The following EPHA4 variants were observed in gnomAD, a reference collection of about 807,000 sequenced individuals.
EPHA4 encodes ephrin type-A receptor 4.
Under a neutral mutation model 108.3 loss-of-function variants are expected in EPHA4, and 19 were observed. The ratio of observed to expected loss-of-function variants is 0.18; its 90% CI spans 0.12 to 0.26. EPHA4 has a LOEUF of 0.26. Among genes scored for constraint, EPHA4 ranks in the 10% least tolerant of loss-of-function variants. EPHA4 has a pLI of 1.00. For missense variants in EPHA4, 917 were observed against 1,254.0 expected (o/e 0.73, Z 4.06); for synonymous variants, 449 against 455.5 (o/e 0.99, Z 0.18).
chr2:221,526,739 C>T (rs1327412167), intron 3 of EPHA4, among the ~76,000 whole-genome samples: 3 of 151,118 alleles, frequency 2.0e-5, no homozygotes, highest in East Asian at 1.9e-4. Context: ...CCCAGCTACT[C>T]GGGAGGCTGA....
At position 221,571,340 on chromosome 2, in the gene EPHA4, C is replaced by G. The variant is rs1025752398; in HGVS notation, c.91+818G>C. ...CGCCCCCCCGCCCCGCCCCACCTCC[C>G]GACACAGACACACAGGCACATACAA... On this transcript the variant is annotated intron_variant, in intron 1 of 17. Transcript: ENST00000281821. The surrounding 1 kb of genome is among the most constrained non-coding windows in gnomAD (Gnocchi z 6.3). Among the ~76,000 whole-genome samples the G allele has an allele frequency of 1.3e-5, 2 of 151,696 alleles. No homozygotes were observed. The highest frequency in any genetic ancestry group is 2.9e-5 in the Non-Finnish European group (2 of 67,888).
intron 14 of EPHA4, 98 bp from the exon 15 acceptor site, chr2:221,430,249 A>G: frequency 8.0e-7 from 1 of 1,249,534 alleles, no homozygotes; most frequent in East Asian, 2.4e-5. Context: ...TGAAGCTGCC[A>G]GCAAGCTGGA....
chr2:221,523,098 A>G (rs141254316), intron 3 of EPHA4, among the ~76,000 whole-genome samples: 1 of 151,762 alleles, frequency 6.6e-6, no homozygotes, highest in East Asian at 2.0e-4. Context: ...CTTATGCAGC[A>G]TTTGAAAACC....
Position 221,436,516 on chromosome 2 carries a change from C to T in EPHA4, c.2229G>A (p.Val743=). 1 of 1,614,160 alleles carries T rather than the reference C, an allele frequency of 6.2e-7. No homozygotes were observed. The highest frequency in any genetic ancestry group is 1.6e-4 in the Middle Eastern group (1 of 6,062). ...TGTTCCGTGCGGCCAGATCACGATG[C>T]ACATAGCTCATATCAGATAAATACT... ...GMKYLSDMSY[V]HRDLAARNIL... The change falls in exon 13 of 18, where the codon GTG becomes GTA. Residue 743 remains valine (V), a synonymous_variant. Coordinates refer to ENST00000281821, the MANE Select transcript of EPHA4 (RefSeq NM_004438.5).
intron 8 of EPHA4, among the ~76,000 whole-genome samples, chr2:221,451,766 T>A (rs1559246667): frequency 6.6e-6 from 1 of 152,188 alleles, no homozygotes; most frequent in Non-Finnish European, 1.5e-5. Flanking sequence ...GGTAAAAATA[T>A]ACAATATAGC....
At chr2:221,431,863 T>C (rs919029248) in intron 14 of EPHA4, among the ~76,000 whole-genome samples, 2 of 152,184 alleles carry the variant, frequency 1.3e-5, no homozygotes, top group African/African-American at 4.8e-5. Context: ...GGCAGAGGAT[T>C]AAACTAAACA....
intron 17 of EPHA4, among the ~76,000 whole-genome samples, chr2:221,424,220 C>G (rs1042245587): frequency 6.6e-6 from 1 of 151,650 alleles, no homozygotes; most frequent in African/African-American, 2.4e-5. Flanking sequence ...TCCAGAACTC[C>G]TAGACTTCTG....
intron 4 of EPHA4, among the ~76,000 whole-genome samples, chr2:221,484,682 G>T (rs1691931094): frequency 6.6e-6 from 1 of 152,142 alleles, no homozygotes; most frequent in African/African-American, 2.4e-5. Context: ...AGCTACATAG[G>T]ATGTTAAAAT....
chr2:221,526,699 T>C (rs925662552), intron 3 of EPHA4, among the ~76,000 whole-genome samples: 4 of 151,492 alleles, frequency 2.6e-5, no homozygotes, highest in African/African-American at 9.7e-5. Flanking sequence ...ATACAAAAAT[T>C]AGCCAGGCGC....
chr2:221,463,320 G>T (rs935893870), intron 5 of EPHA4, among the ~76,000 whole-genome samples: 8 of 152,126 alleles, frequency 5.3e-5, no homozygotes, highest in African/African-American at 1.9e-4. Flanking sequence ...TCCAATAGAG[G>T]TCCAAGATAA....
upstream of EPHA4, chr2:221,572,489 C>CG (rs1280741553): frequency 3.4e-6 from 1 of 290,472 alleles, no homozygotes; most frequent in African/African-American, 2.6e-5. Context: ...CGCGGTCTCC[C>CG]GGGGCTCTAG....
At chr2:221,478,240 G>T (rs965994754) in intron 5 of EPHA4, among the ~76,000 whole-genome samples, 1 of 152,090 alleles carries the variant, frequency 6.6e-6, no homozygotes, top group African/African-American at 2.4e-5. Flanking sequence ...ATATTCACAG[G>T]TCTGTTGCTT....
rs150425514 is a variant in EPHA4, at chr2:221,427,002, C to T, written c.2691-383G>A. 1.3e-3 allele frequency among the ~76,000 whole-genome samples: 192 copies of T among 152,268 alleles called. 1 individual carries two copies. The highest frequency in any genetic ancestry group is 4.4e-3 in the African/African-American group (183 of 41,552). On this transcript the variant is annotated intron_variant, in intron 15 of 17. Coordinates refer to ENST00000281821, the MANE Select transcript of EPHA4 (RefSeq NM_004438.5). ...GCCAGTACTGAATATTACAGACTTTCGTTCAGCAACTATGGAAACCCTAGT... is the reference window on the plus strand; with the variant it reads ...GCCAGTACTGAATATTACAGACTTTTGTTCAGCAACTATGGAAACCCTAGT...
chr2:221,494,855 G>A (rs778629136), intron 4 of EPHA4, among the ~76,000 whole-genome samples: 13 of 151,982 alleles, frequency 8.6e-5, no homozygotes, highest in Admixed American at 3.3e-4. Flanking sequence ...CTAGTCATTC[G>A]TAGAGTTAAA....
rs1326780557 is a variant in EPHA4, at chr2:221,566,875, AAGG to A, written c.159+1840_159+1842del. Among the ~76,000 whole-genome samples the A allele has an allele frequency of 3.2e-3, 71 of 22,252 alleles. 3 individuals are homozygous for A. Among genetic ancestry groups the A allele is most frequent in the East Asian group, 0.013 (9 of 694 alleles). 14.6% of individuals were successfully genotyped at this position (22,252 alleles called of 152,430 possible). Reference sequence around the variant, plus strand: ...GAAGGAGAAGAAGAAGAAGAAGAAGAAGGAGAAGGAGAAGGAGAAGGAGAAGGA... The same window carrying A: ...GAAGGAGAAGAAGAAGAAGAAGAAGAAGAAGGAGAAGGAGAAGGAGAAGGA... On this transcript the variant is annotated intron_variant, in intron 2 of 17. Coordinates refer to ENST00000281821, the MANE Select transcript of EPHA4 (RefSeq NM_004438.5).
chr2:221,516,222 CATTTAACAATTTAAGGT>C lies in EPHA4; in HGVS notation c.824-15067_824-15051del, dbSNP rs543758528. Among the ~76,000 whole-genome samples, 17 of 152,262 alleles carry C rather than the reference CATTTAACAATTTAAGGT, an allele frequency of 1.1e-4. 1 individual carries two copies. In the South Asian group the frequency reaches 3.3e-3, roughly 30 times the overall value. Reference sequence around the variant, plus strand: ...AAGGGGACCTGGATTCCATTCCTAACATTTAACAATTTAAGGTTTCTAGGGGTCAGTTTCCTCTAAGA... The same window carrying C: ...AAGGGGACCTGGATTCCATTCCTAACTTCTAGGGGTCAGTTTCCTCTAAGA... On this transcript the variant is annotated intron_variant, in intron 3 of 17. Transcript: ENST00000281821.
At chr2:221,560,427 A>G (rs1694428309) in intron 3 of EPHA4, among the ~76,000 whole-genome samples, 1 of 152,184 alleles carries the variant, frequency 6.6e-6, no homozygotes, top group Non-Finnish European at 1.5e-5. Flanking sequence ...AGGAGGAAAA[A>G]AAAATGACAT....
intron 3 of EPHA4, among the ~76,000 whole-genome samples, chr2:221,506,466 AG>A (rs1559270986): frequency 6.6e-6 from 1 of 152,222 alleles, no homozygotes; most frequent in Non-Finnish European, 1.5e-5. Context: ...TAAGGCACAA[AG>A]GTTAAGGGTT....
chr2:221,520,977 T>G (rs1269086929), intron 3 of EPHA4, among the ~76,000 whole-genome samples: 1 of 152,238 alleles, frequency 6.6e-6, no homozygotes, highest in Non-Finnish European at 1.5e-5. Flanking sequence ...CATTTGAAAT[T>G]GGCTATAACT....
Sources: gnomAD v4.1 joint callset for allele counts (sites outside exome capture counted in the v4.1 genomes callset) on GRCh38, gnomAD v4.1.1 for gene constraint, Gnocchi (gnomAD v3.1) non-coding constraint, MANE v1.5 for transcripts, NCBI Gene and HGNC (gene_info 2026-07-23, HGNC 2026-07-21) for gene names.